Variants in BCKDHB observed in about 807,000 individuals in gnomAD.
BCKDHB encodes the protein 2-oxoisovalerate dehydrogenase subunit beta, mitochondrial.
A neutral mutation model predicts 48.5 loss-of-function variants in BCKDHB; 41 were observed. The ratio of observed to expected loss-of-function variants is 0.85; its 90% CI spans 0.66 to 1.10. BCKDHB has a LOEUF of 1.10. BCKDHB is among the 50% of genes least tolerant of loss of function. The pLI is 0.00. For synonymous variants in BCKDHB, 201 were observed against 174.8 expected (o/e 1.15, Z -1.18); for missense variants, 496 against 494.2 (o/e 1.00, Z -0.03).
chr6:80,209,877 A>G lies in BCKDHB; in HGVS notation c.951+6665A>G, dbSNP rs571912165. Among the ~76,000 whole-genome samples, 8 of 152,104 alleles carry G rather than the reference A, an allele frequency of 5.3e-5. No homozygotes were observed. The South Asian group carries it at 1.7e-3, about 32-fold the overall frequency. On this transcript the variant is annotated intron_variant, in intron 8 of 9. Transcript: ENST00000320393. ...AACAGGTAATTACAGATTTGGAGAA[A>G]CTCAAGGAAACTTATATCTGGAAAT...
rs1769025625 is a variant in BCKDHB, at chr6:80,326,235, GGAAA to G, written c.1039-17426_1039-17423del. Among the ~76,000 whole-genome samples the G allele has an allele frequency of 3.9e-5, 6 of 152,246 alleles. No homozygotes were observed. The South Asian group carries it at 1.2e-3, about 32-fold the overall frequency. ...TAAAGATGTGGGGATACATTTTTCA[GGAAA>G]GAGTCTCCGCCATAAGCTTACTATA... is the stretch of plus-strand genomic sequence containing the variant. On this transcript the variant is annotated intron_variant, in intron 9 of 9. Coordinates refer to ENST00000320393, the MANE Select transcript of BCKDHB (RefSeq NM_183050.4).
At chr6:80,285,890 T>G (rs1001588198) in intron 9 of BCKDHB, among the ~76,000 whole-genome samples, 5 of 152,108 alleles carry the variant, frequency 3.3e-5, no homozygotes, top group Non-Finnish European at 5.9e-5. Context: ...TTAATACCAT[T>G]CGAAAAGCAT....
intron 6 of BCKDHB, among the ~76,000 whole-genome samples, chr6:80,176,629 C>G (rs1169406620): frequency 6.6e-6 from 1 of 152,148 alleles, no homozygotes; most frequent in African/African-American, 2.4e-5. Flanking sequence ...AAAAAAATCT[C>G]TTCTGAGAGT....
chr6:80,442,025 G>A, the BCKDHB span, among the ~76,000 whole-genome samples: 2 of 152,128 alleles, frequency 1.3e-5, no homozygotes, highest in Non-Finnish European at 2.9e-5. Flanking sequence ...TCAGGGAAAT[G>A]TCCCTGAGAA....
At chr6:80,259,177 A>C (rs1389739793) in intron 8 of BCKDHB, among the ~76,000 whole-genome samples, 1 of 152,176 alleles carries the variant, frequency 6.6e-6, no homozygotes, top group Non-Finnish European at 1.5e-5. Flanking sequence ...GTTGCAGCTT[A>C]TTGAGAATTT....
chr6:80,266,887 A>C (rs767980368), intron 8 of BCKDHB, among the ~76,000 whole-genome samples: 1 of 151,994 alleles, frequency 6.6e-6, no homozygotes, highest in African/African-American at 2.4e-5. Context: ...CACATATACA[A>C]TGTATTAGGT....
At position 80,168,935 on chromosome 6, in the gene BCKDHB, C is replaced by T. The variant is rs1458608337; in HGVS notation, c.538C>T (p.Leu180Phe). 3.7e-6 allele frequency: 6 copies of T among 1,614,060 alleles called. No individual in the cohort carries two copies. Among genetic ancestry groups the T allele is most frequent in the South Asian group, 2.2e-5 (2 of 91,092 alleles). ...TGGGGATCTTTTTAACTGTGGAAGC[C>T]TCACTATCCGGTCCCCTTGGGGCTG... is the stretch of plus-strand genomic sequence containing the variant. ...RSGDLFNCGSLTIRSPWGCVG... is the reference protein window; with the variant it reads ...RSGDLFNCGSFTIRSPWGCVG... The change falls in exon 5 of 10, where the codon CTC becomes TTC. Residue 180 changes from leucine (L) to phenylalanine (F), a missense_variant. Coordinates refer to ENST00000320393, the MANE Select transcript of BCKDHB (RefSeq NM_183050.4).
At chr6:80,347,201 A>G (rs936394076), downstream of BCKDHB, among the ~76,000 whole-genome samples, 1 of 152,222 alleles carries the variant, frequency 6.6e-6, no homozygotes, top group Non-Finnish European at 1.5e-5. Flanking sequence ...ATCTGAAATA[A>G]TGAACCCAAT....
chr6:80,142,345 C>T (rs1771262663), intron 3 of BCKDHB, among the ~76,000 whole-genome samples: 1 of 152,038 alleles, frequency 6.6e-6, no homozygotes, highest in Admixed American at 6.6e-5. Flanking sequence ...GTTATAAATA[C>T]TGTCTATCTA....
the BCKDHB span, among the ~76,000 whole-genome samples, chr6:80,362,196 G>T: frequency 2.0e-5 from 3 of 152,204 alleles, no homozygotes; most frequent in East Asian, 5.8e-4. Context: ...TCTTCTCTGT[G>T]ATGGTCAACT....
intron 6 of BCKDHB, among the ~76,000 whole-genome samples, chr6:80,186,168 G>T (rs545777032): frequency 1.3e-5 from 2 of 152,106 alleles, no homozygotes; most frequent in African/African-American, 4.8e-5. Flanking sequence ...GTTCTCAAGG[G>T]TTTATGTATT....
At chr6:80,245,096 T>C (rs997918092) in intron 8 of BCKDHB, among the ~76,000 whole-genome samples, 3 of 151,558 alleles carry the variant, frequency 2.0e-5, no homozygotes, top group African/African-American at 7.3e-5. Flanking sequence ...ATTTTTTTTT[T>C]AGGATAAACA....
intron 6 of BCKDHB, among the ~76,000 whole-genome samples, chr6:80,190,012 T>G (rs1773819843): frequency 6.6e-6 from 1 of 152,140 alleles, no homozygotes; most frequent in Non-Finnish European, 1.5e-5. Context: ...AATGCATGAT[T>G]TAATATGAAG....
chr6:80,393,801 AC>A, the BCKDHB span, among the ~76,000 whole-genome samples: 1 of 152,192 alleles, frequency 6.6e-6, no homozygotes, highest in East Asian at 1.9e-4. Context: ...CCTACGTTGA[AC>A]CACTTCTTTC....
intron 9 of BCKDHB, among the ~76,000 whole-genome samples, chr6:80,343,239 C>T (rs1186999156): frequency 6.6e-6 from 1 of 152,124 alleles, no homozygotes; most frequent in Non-Finnish European, 1.5e-5. Context: ...GGAGGAATTA[C>T]AAACATTTAT....
the BCKDHB span, among the ~76,000 whole-genome samples, chr6:80,406,215 C>T: frequency 6.6e-6 from 1 of 152,192 alleles, no homozygotes; most frequent in Non-Finnish European, 1.5e-5. Context: ...TTTCTTAATC[C>T]AGTCTATCAT....
intron 9 of BCKDHB, among the ~76,000 whole-genome samples, chr6:80,320,950 T>G (rs1036946550): frequency 6.6e-6 from 1 of 152,194 alleles, no homozygotes; most frequent in African/African-American, 2.4e-5. Flanking sequence ...AGATATTTTC[T>G]TGCTATACCT....
At chr6:80,126,266 C>A (rs1770334898) in intron 1 of BCKDHB, among the ~76,000 whole-genome samples, 1 of 151,902 alleles carries the variant, frequency 6.6e-6, no homozygotes, top group Non-Finnish European at 1.5e-5. Context: ...ACATTAGATG[C>A]CAGAGTAGGC....
intron 8 of BCKDHB, among the ~76,000 whole-genome samples, chr6:80,229,429 ATGTT>A (rs945063539): frequency 1.3e-5 from 2 of 152,186 alleles, no homozygotes; most frequent in Non-Finnish European, 2.9e-5. Flanking sequence ...AGGCAGGAAT[ATGTT>A]TGTCCTATTG....
Sources: allele counts gnomAD v4.1 joint callset (sites outside exome capture counted in the v4.1 genomes callset), GRCh38; gene constraint gnomAD v4.1.1; transcripts MANE v1.5; gene names NCBI Gene and HGNC (gene_info 2026-07-23, HGNC 2026-07-21).